MCTP1: variants seen among roughly 807,000 people sequenced by gnomAD.
MCTP1 encodes multiple C2 and transmembrane domain containing 1.
A neutral mutation model predicts 120.6 loss-of-function variants in MCTP1; 69 were observed. That is an observed-to-expected ratio of 0.57 (90% CI 0.47 to 0.70). The LOEUF (loss-of-function observed/expected upper bound fraction) is 0.70, where lower values mean the gene tolerates loss of function less well. Among genes scored for constraint, MCTP1 ranks in the 30% least tolerant of loss-of-function variants. The pLI is 0.00. For missense variants in MCTP1, 1,203 were observed against 1,248.8 expected (o/e 0.96, Z 0.55); for synonymous variants, 529 against 493.1 (o/e 1.07, Z -0.96).
chr5:95,045,843 T>A (rs1433227174), intron 1 of MCTP1, among the ~76,000 whole-genome samples: 3 of 152,198 alleles, frequency 2.0e-5, no homozygotes, highest in African/African-American at 7.2e-5. Context: ...CTACAGTAGA[T>A]AAGAATATCA....
chr5:95,153,099 T>C (rs927018470), intron 1 of MCTP1, among the ~76,000 whole-genome samples: 2 of 152,164 alleles, frequency 1.3e-5, no homozygotes, highest in Admixed American at 1.3e-4. Flanking sequence ...CCAAATGTCA[T>C]CTCAAATTGT....
At chr5:94,868,140 A>G (rs1797165211) in intron 17 of MCTP1, 193 bp downstream of exon 17, 3 of 406,518 alleles carry the variant, frequency 7.4e-6, no homozygotes, top group African/African-American at 2.1e-5. Context: ...CTGAGGGGGG[A>G]AAATGTATTC....
At chr5:95,258,904 G>A (rs796419490) in intron 1 of MCTP1, among the ~76,000 whole-genome samples, 2 of 152,176 alleles carry the variant, frequency 1.3e-5, no homozygotes, top group African/African-American at 4.8e-5. Flanking sequence ...CAAAATATGG[G>A]TAGAGTGTCC....
intron 19 of MCTP1, among the ~76,000 whole-genome samples, chr5:94,720,831 T>C (rs1426079517): frequency 6.6e-6 from 1 of 152,232 alleles, no homozygotes; most frequent in Non-Finnish European, 1.5e-5. Context: ...AAATTATTTT[T>C]GGAAAGAAAT....
chr5:95,080,244 C>A (rs983675176), intron 1 of MCTP1, among the ~76,000 whole-genome samples: 4 of 152,122 alleles, frequency 2.6e-5, no homozygotes, highest in African/African-American at 9.7e-5. Context: ...TGTGCTGTGG[C>A]AATGGCTAAG....
At chr5:94,802,794 A>G (rs1264192025) in intron 17 of MCTP1, among the ~76,000 whole-genome samples, 1 of 152,248 alleles carries the variant, frequency 6.6e-6, no homozygotes, top group South Asian at 2.1e-4. Flanking sequence ...GAATACAAAA[A>G]TAAACCATAA....
intron 19 of MCTP1, among the ~76,000 whole-genome samples, chr5:94,776,784 G>A (rs1397734769): frequency 6.6e-6 from 1 of 152,058 alleles, no homozygotes; most frequent in Non-Finnish European, 1.5e-5. Flanking sequence ...AGGAACCAAC[G>A]AATTTTTTAA....
At chr5:95,229,067 T>C (rs1376249745) in intron 1 of MCTP1, among the ~76,000 whole-genome samples, 1 of 152,188 alleles carries the variant, frequency 6.6e-6, no homozygotes, top group Non-Finnish European at 1.5e-5. Flanking sequence ...CTTGATATGC[T>C]TTAATAAATG....
rs140194910 is a variant in MCTP1, at chr5:94,715,960, A to G, written c.2611-1074T>C. ...GCCAGGAAGCTAGAATAATAATGTC[A>G]TGTTGCACATTTACATACTGACTTT... On this transcript the variant is annotated intron_variant, in intron 19 of 22. Coordinates refer to ENST00000515393, the MANE Select transcript of MCTP1 (RefSeq NM_024717.7). Among the ~76,000 whole-genome samples the G allele has an allele frequency of 7.9e-5, 12 of 152,330 alleles. No individual in the cohort carries two copies. The East Asian group carries it at 2.1e-3, about 27-fold the overall frequency.
chr5:94,993,944 C>G (rs138942543), intron 2 of MCTP1, among the ~76,000 whole-genome samples: 29 of 152,274 alleles, frequency 1.9e-4, no homozygotes, highest in African/African-American at 6.7e-4. Context: ...CCCCACAATT[C>G]TGGGAAGACC....
intron 2 of MCTP1, among the ~76,000 whole-genome samples, chr5:94,986,965 T>G (rs749041929): frequency 6.6e-6 from 1 of 152,228 alleles, no homozygotes; most frequent in African/African-American, 2.4e-5. Context: ...ACAACCTACA[T>G]GCATCCTCTG....
chr5:95,060,949 AAAAAAGAAAAG>A (rs1562093954), intron 1 of MCTP1, among the ~76,000 whole-genome samples: 3 of 150,502 alleles, frequency 2.0e-5, no homozygotes, highest in African/African-American at 7.4e-5. Flanking sequence ...ACAAAAAAAA[AAAAAAGAAAAG>A]AAAAGAAAAG....
intron 1 of MCTP1, among the ~76,000 whole-genome samples, chr5:95,142,575 A>G (rs184580281): frequency 6.6e-6 from 1 of 152,318 alleles, no homozygotes. Context: ...AAGAAAGGAA[A>G]TACAATACAA....
At chr5:95,108,737 A>G (rs1171777757) in intron 1 of MCTP1, among the ~76,000 whole-genome samples, 2 of 152,358 alleles carry the variant, frequency 1.3e-5, no homozygotes, top group Middle Eastern at 3.4e-3. Context: ...ATCAATACCC[A>G]TAATAAGTTA....
At chr5:94,932,623 C>T (rs754777211) in intron 5 of MCTP1, among the ~76,000 whole-genome samples, 1 of 152,022 alleles carries the variant, frequency 6.6e-6, no homozygotes, top group Non-Finnish European at 1.5e-5. Flanking sequence ...AATGCATCCC[C>T]AAGATCACTA....
chr5:95,207,139 A>G (rs941203860), intron 1 of MCTP1, among the ~76,000 whole-genome samples: 1 of 152,192 alleles, frequency 6.6e-6, no homozygotes, highest in Non-Finnish European at 1.5e-5. Flanking sequence ...ATAAATATTG[A>G]CTATCCTGGC....
chr5:94,961,148 C>G (rs896519558), intron 2 of MCTP1, among the ~76,000 whole-genome samples: 3 of 151,934 alleles, frequency 2.0e-5, no homozygotes, highest in African/African-American at 2.4e-5. Flanking sequence ...TGGAAACCAT[C>G]ATTCTCAGCA....
intron 19 of MCTP1, among the ~76,000 whole-genome samples, chr5:94,740,976 T>A (rs1471885003): frequency 6.6e-6 from 1 of 152,150 alleles, no homozygotes; most frequent in Non-Finnish European, 1.5e-5. Flanking sequence ...ATCAAAGCAC[T>A]GGATTAAAGC....
At chr5:94,852,473 T>C (rs1793947018) in intron 17 of MCTP1, among the ~76,000 whole-genome samples, 1 of 151,934 alleles carries the variant, frequency 6.6e-6, no homozygotes, top group South Asian at 2.1e-4. Flanking sequence ...TACTGCATTT[T>C]AGATGTTTTA....
Sources: allele counts gnomAD v4.1 joint callset (sites outside exome capture counted in the v4.1 genomes callset), GRCh38; gene constraint gnomAD v4.1.1; transcripts MANE v1.5; gene names NCBI Gene and HGNC (gene_info 2026-07-23, HGNC 2026-07-21).